The following S1PR3 variants were observed in gnomAD, a reference collection of about 807,000 sequenced individuals.
The protein encoded by S1PR3 is sphingosine 1-phosphate receptor 3.
Under a neutral mutation model 13.3 loss-of-function variants are expected in S1PR3, and 12 were observed. The ratio of observed to expected loss-of-function variants is 0.90; its 90% CI spans 0.58 to 1.46. S1PR3 has a LOEUF of 1.46. S1PR3 is among the 40% of genes most tolerant of loss of function. The probability of loss-of-function intolerance (pLI) is 0.00; values close to 1 mark genes in which losing one functional copy is unlikely to be tolerated. For synonymous variants in S1PR3, 232 were observed against 214.0 expected, an observed-to-expected ratio of 1.08 and a Z score of -0.73; for missense variants, 450 against 501.9, an observed-to-expected ratio of 0.90 and a Z score of 0.99.
At chr9:88,993,753 G>A (rs545683887) in intron 1 of S1PR3, 3 of 152,342 alleles carry the variant, frequency 2.0e-5, no homozygotes, top group African/African-American at 7.2e-5. Flanking sequence ...TGGGCATAAA[G>A]TCTCCTTCCC....
upstream of S1PR3, chr9:88,991,334 C>A (rs1005804519): frequency 2.2e-6 from 2 of 923,260 alleles, no homozygotes; most frequent in Non-Finnish European, 2.8e-6. The surrounding 1 kb of genome is among the most constrained non-coding windows in gnomAD (Gnocchi z 4.0). Context: ...GGAGGAGTGC[C>A]GGGTTCGCGG....
intron 1 of S1PR3, chr9:88,996,546 G>A (rs1343852910): frequency 6.6e-6 from 1 of 152,276 alleles, no homozygotes; most frequent in Non-Finnish European, 1.5e-5. Context: ...GTATCCTGTA[G>A]GGTTTCATTC....
At chr9:88,999,244 CA>C (rs1374824038) in intron 1 of S1PR3, 1 of 153,104 alleles carries the variant, frequency 6.5e-6, no homozygotes, top group Non-Finnish European at 1.5e-5. Flanking sequence ...TACCCCCCGC[CA>C]ACCCCCCGCC....
chr9:89,001,778 C>T lies in S1PR3; in HGVS notation c.578C>T (p.Ser193Phe), dbSNP rs554845579. The part of the protein sequence containing the change: ...PDCSTILPLY[S>F]KKYIAFCISI... The stretch of plus-strand genomic sequence containing the variant: ...TGCTCTACCATCCTGCCCCTCTACT[C>T]CAAGAAGTACATTGCCTTCTGCATC... The change falls in exon 2 of 2, where the codon TCC (serine) becomes TTC (phenylalanine). Residue 193 changes from serine (S) to phenylalanine (F), a missense_variant. Transcript: ENST00000358157. 5.6e-6 allele frequency: 9 copies of T among 1,614,128 alleles called. No individual in the cohort carries two copies. Among genetic ancestry groups the T allele is most frequent in the Non-Finnish European group, 7.6e-6 (9 of 1,180,060 alleles).
chr9:88,998,673 G>A (rs796842111), intron 1 of S1PR3: 4 of 152,334 alleles, frequency 2.6e-5, no homozygotes, highest in African/African-American at 9.6e-5. Context: ...GAGACAGTTT[G>A]CAGTACGTTT....
At chr9:89,000,911 C>G (rs1445835163) in intron 1 of S1PR3, 143 bp from the exon 2 acceptor site, 2 of 457,564 alleles carry the variant, frequency 4.4e-6, no homozygotes, top group Admixed American at 7.2e-5. Flanking sequence ...TAGCCTGTGT[C>G]TAAAGACCCT....
chr9:89,004,419 A>AAT lies in S1PR3; in HGVS notation c.*2084_*2085dup, dbSNP rs1157047694. ...GTCTCAAAAAATAATAATAATAATAAATAAAACAACAACAAAATGCATCAG... is the reference window on the plus strand; with the variant it reads ...GTCTCAAAAAATAATAATAATAATAAATATAAAACAACAACAAAATGCATCAG... On this transcript the variant is annotated 3_prime_UTR_variant, in exon 2 of 2. Coordinates refer to ENST00000358157, the MANE Select transcript of S1PR3 (RefSeq NM_005226.4). 1 of 165,216 alleles carries AAT rather than the reference A, an allele frequency of 6.1e-6. No homozygotes were observed. The highest frequency in any genetic ancestry group is 1.9e-4 in the East Asian group (1 of 5,196). 10.2% of individuals were successfully genotyped at this position (165,216 alleles called of 1,614,324 possible). A position where few individuals can be genotyped will look rare whatever the true frequency, so the allele number is the denominator to read the frequency against.
chr9:89,001,522 C>T lies in S1PR3; in HGVS notation c.322C>T (p.Pro108Ser). The T allele has an allele frequency of 6.2e-7, 1 of 1,614,252 alleles. No individual in the cohort carries two copies. The highest frequency in any genetic ancestry group is 8.5e-7 in the Non-Finnish European group (1 of 1,180,044). The change falls in exon 2 of 2, where the codon CCC becomes TCC. Residue 108 changes from proline (P) to serine (S), a missense_variant. Physicochemically the swap from Pro to Ser is moderately conservative, Grantham distance 74 (BLOSUM62 -1). Coordinates refer to ENST00000358157, the MANE Select transcript of S1PR3 (RefSeq NM_005226.4). ...MSGKKTFSLSPTVWFLREGSM... is the reference protein window; with the variant it reads ...MSGKKTFSLSSTVWFLREGSM... The stretch of plus-strand genomic sequence containing the variant: ...TGGCAAGAAGACGTTCAGCCTGTCT[C>T]CCACGGTCTGGTTCCTCAGGGAGGG...
upstream of S1PR3, chr9:88,991,391 G>A (rs1207698817): frequency 5.0e-6 from 7 of 1,390,236 alleles, no homozygotes; most frequent in African/African-American, 3.0e-5. The surrounding 1 kb of genome is among the most constrained non-coding windows in gnomAD (Gnocchi z 4.0). Flanking sequence ...GGAGTCGGGG[G>A]CGGCGAGGGG....
Position 88,991,739 on chromosome 9 carries a change from C to T in S1PR3, c.-148+44C>T. ...CGGGGCGCGGAACCAGGGTGGGGGG[C>T]TGGGGGCCGAAGGACCCACCTTTCC... On this transcript the variant is annotated intron_variant, in intron 1 of 1. Transcript: ENST00000358157. This position sits in a 1 kb window ranked among gnomAD's most constrained non-coding sequence, Gnocchi z 4.0. 1 of 1,545,416 alleles carries T rather than the reference C, an allele frequency of 6.5e-7. No homozygotes were observed. Among genetic ancestry groups the T allele is most frequent in the Non-Finnish European group, 8.7e-7 (1 of 1,143,838 alleles).
chr9:88,997,105 A>G (rs1825811830), intron 1 of S1PR3: 1 of 152,330 alleles, frequency 6.6e-6, no homozygotes, highest in East Asian at 1.9e-4. Flanking sequence ...GATATCTTCC[A>G]CTTATGCAAA....
chr9:88,996,484 T>C (rs1052347375), intron 1 of S1PR3: 92 of 152,242 alleles, frequency 6.0e-4, no homozygotes, highest in Admixed American at 6.0e-3. Flanking sequence ...GGTGCATCTA[T>C]GTGCATGACT....
chr9:88,991,984 A>G lies in S1PR3; in HGVS notation c.-148+289A>G, dbSNP rs76942950. On this transcript the variant is annotated intron_variant, in intron 1 of 1. Transcript: ENST00000358157. The surrounding 1 kb of genome is among the most constrained non-coding windows in gnomAD (Gnocchi z 4.0). The stretch of plus-strand genomic sequence containing the variant: ...TTCCATCAGTCGTTTTCCTTGGACA[A>G]TTAACAAGTTAGGCTTCCACAGTGC... 17 of 1,614,240 alleles carry G rather than the reference A, an allele frequency of 1.1e-5. No individual in the cohort carries two copies. In the East Asian group the frequency reaches 2.0e-4, roughly 19 times the overall value.
rs755867055 is a variant in S1PR3, at chr9:89,001,639, G to C, written c.439G>C (p.Asp147His). ...HLTMIKMRPY[D>H]ANKRHRVFLL... ...GACAATGATCAAAATGAGGCCTTAC[G>C]ACGCCAACAAGAGGCACCGCGTCTT... The change falls in exon 2 of 2, where the codon GAC becomes CAC. Residue 147 changes from aspartate to histidine, a missense_variant. Coordinates refer to ENST00000358157, the MANE Select transcript of S1PR3 (RefSeq NM_005226.4). 1.2e-6 allele frequency: 2 copies of C among 1,614,210 alleles called. No individual in the cohort carries two copies. Among genetic ancestry groups the C allele is most frequent in the South Asian group, 2.2e-5 (2 of 91,076 alleles).
chr9:88,993,258 G>T (rs779080056), intron 1 of S1PR3: 1 of 152,522 alleles, frequency 6.6e-6, no homozygotes, highest in Non-Finnish European at 1.5e-5. Flanking sequence ...TGATTTCATG[G>T]TATCTCTTTC....
rs1368939362 is a variant in S1PR3 at position 89,001,816 on chromosome 9, G to T, written c.616G>T (p.Ala206Ser). 1 of 1,614,078 alleles carries T rather than the reference G, an allele frequency of 6.2e-7. No homozygotes were observed. The highest frequency in any genetic ancestry group is 1.3e-5 in the African/African-American group (1 of 74,924). ...YIAFCISIFT[A>S]ILVTIVILYA... Reference sequence around the variant, plus strand: ...TGCCTTCTGCATCAGCATCTTCACGGCCATCCTGGTGACCATCGTGATCCT... The same window carrying T: ...TGCCTTCTGCATCAGCATCTTCACGTCCATCCTGGTGACCATCGTGATCCT... Residue 206 changes from alanine (A) to serine (S), a missense_variant, in exon 2 of 2, where the codon GCC (alanine) becomes TCC (serine). Physicochemically the swap from Ala to Ser is moderately conservative, Grantham distance 99. Coordinates refer to ENST00000358157, the MANE Select transcript of S1PR3 (RefSeq NM_005226.4).
chr9:88,995,807 G>A (rs1325991459), intron 1 of S1PR3: 2 of 167,102 alleles, frequency 1.2e-5, no homozygotes, highest in Non-Finnish European at 2.9e-5. Flanking sequence ...AGGGAGATGT[G>A]TTAGTGTAGC....
At chr9:88,991,278 G>A (rs560191999), upstream of S1PR3, 36 of 1,535,614 alleles carry the variant, frequency 2.3e-5, no homozygotes, top group Non-Finnish European at 3.1e-5. This position sits in a 1 kb window ranked among gnomAD's most constrained non-coding sequence, Gnocchi z 4.0. Flanking sequence ...CTAGGGGCGG[G>A]CGGGGCGCAC....
In S1PR3 at chr9:89,001,248, G is replaced by T; in HGVS notation, c.48G>T (p.Glu16Asp). Residue 16 changes from glutamate to aspartate, a missense_variant, in exon 2 of 2, where the codon GAG (glutamate) becomes GAT (aspartate). Glu to Asp is a conservative substitution (Grantham distance 45, BLOSUM62 2). Coordinates refer to ENST00000358157, the MANE Select transcript of S1PR3 (RefSeq NM_005226.4). ...GTCTCCAGCCGGTGCGGGGGAACGA[G>T]ACCCTGCGGGAGCATTACCAGTACG... ...PPRLQPVRGN[E>D]TLREHYQYVG... The T allele has an allele frequency of 6.2e-7, 1 of 1,614,074 alleles. No homozygotes were observed. Among genetic ancestry groups the T allele is most frequent in the South Asian group, 1.1e-5 (1 of 91,060 alleles).
Sources: allele counts gnomAD v4.1 joint callset, GRCh38; gene constraint gnomAD v4.1.1; non-coding constraint Gnocchi (gnomAD v3.1); transcripts MANE v1.5; gene names NCBI Gene and HGNC (gene_info 2026-07-23, HGNC 2026-07-21).